Variants in LOXL2 observed in about 807,000 individuals in gnomAD.
LOXL2 encodes lysyl oxidase homolog 2.
LOXL2 carries 70 observed loss-of-function variants against 93.0 expected under a neutral mutation model. That is an observed-to-expected ratio of 0.75 (90% CI 0.62 to 0.92). The LOEUF is 0.92. LOXL2 is among the 40% of genes least tolerant of loss of function. The pLI is 0.00. For synonymous variants in LOXL2, 438 were observed against 413.2 expected (o/e 1.06, Z -0.73); for missense variants, 973 against 1,054.9 (o/e 0.92, Z 1.08).
At chr8:23,383,586 C>T (rs1004872471) in intron 1 of LOXL2, among the ~76,000 whole-genome samples, 1 of 150,020 alleles carries the variant, frequency 6.7e-6, no homozygotes, top group Non-Finnish European at 1.5e-5. Context: ...TGTCATTTTT[C>T]ATATTAAGAC....
intron 3 of LOXL2, among the ~76,000 whole-genome samples, chr8:23,354,266 G>A (rs1311211332): frequency 6.6e-6 from 1 of 152,208 alleles, no homozygotes; most frequent in Non-Finnish European, 1.5e-5. Context: ...GAGGGTGAAT[G>A]TTACAGAACC....
chr8:23,369,267 G>A (rs1804461003), intron 1 of LOXL2, among the ~76,000 whole-genome samples: 1 of 152,168 alleles, frequency 6.6e-6, no homozygotes, highest in African/African-American at 2.4e-5. Flanking sequence ...GTATCTGGTG[G>A]AGCCTACCTC....
At chr8:23,332,923 G>T (rs537747550) in intron 5 of LOXL2, among the ~76,000 whole-genome samples, 1 of 147,448 alleles carries the variant, frequency 6.8e-6, no homozygotes, top group South Asian at 2.2e-4. Context: ...CCACAGAGGG[G>T]GGGTGTTTCA....
intron 1 of LOXL2, 101 bp from the exon 2 acceptor site, chr8:23,368,535 C>T (rs1804449785): frequency 3.6e-5 from 22 of 607,070 alleles, no homozygotes; most frequent in South Asian, 3.3e-4. Flanking sequence ...ATGGAAAGCT[C>T]GTCCATTCTC....
chr8:23,319,821 C>A, intron 8 of LOXL2, 64 bp downstream of exon 8: 1 of 1,548,158 alleles, frequency 6.5e-7, no homozygotes, highest in Non-Finnish European at 8.8e-7. Context: ...GGGGGGCTGA[C>A]TGAAGACAGT....
chr8:23,384,201 A>G (rs1804723032), intron 1 of LOXL2, among the ~76,000 whole-genome samples: 1 of 152,222 alleles, frequency 6.6e-6, no homozygotes, highest in South Asian at 2.1e-4. Context: ...GCTTATGTCT[A>G]GACAGGAATT....
intron 3 of LOXL2, 46 bp from the exon 4 acceptor site, chr8:23,341,249 G>A: frequency 6.7e-7 from 1 of 1,486,824 alleles, no homozygotes; most frequent in Non-Finnish European, 9.4e-7. Context: ...CTACTGGCCT[G>A]GCTGCAGAGA....
intron 12 of LOXL2, among the ~76,000 whole-genome samples, chr8:23,299,430 G>A (rs1803090903): frequency 6.6e-6 from 1 of 152,194 alleles, no homozygotes; most frequent in African/African-American, 2.4e-5. Context: ...AGTGACAGGT[G>A]GGACTTGGGG....
rs765119814 is a variant in LOXL2 at position 23,317,039 on chromosome 8, G to A, written c.1546C>T (p.Leu516=). Residue 516 remains leucine (L), a synonymous_variant, in exon 9 of 14, where the codon CTG becomes TTG. Transcript: ENST00000389131. ...MSGVKCSGTE[L]SLAHCRHDGE... The stretch of plus-strand genomic sequence containing the variant: ...TCGTGGCGGCAGTGCGCCAGGGACA[G>A]CTCCGTTCCCGAGCACTTCACTCCA... The A allele has an allele frequency of 1.2e-6, 2 of 1,614,196 alleles. No individual in the cohort carries two copies. Among genetic ancestry groups the A allele is most frequent in the South Asian group, 2.2e-5 (2 of 91,084 alleles).
chr8:23,302,166 G>C lies in LOXL2; in HGVS notation c.1997-3C>G, dbSNP rs112903898. The C allele has an allele frequency of 5.6e-6, 9 of 1,614,014 alleles. No homozygotes were observed. The highest frequency in any genetic ancestry group is 1.3e-5 in the African/African-American group (1 of 74,906). ...ACACTCGTAATTCTTCTGGATGTCT[G>C]CGGGCAGGGTAGAGGAGAGCTCATC... On this transcript the variant is annotated splice_region_variant and splice_polypyrimidine_tract_variant and intron_variant, in intron 11 of 13. Coordinates refer to ENST00000389131, the MANE Select transcript of LOXL2 (RefSeq NM_002318.3).
intron 6 of LOXL2, among the ~76,000 whole-genome samples, chr8:23,323,443 T>C (rs1803529208): frequency 6.6e-6 from 1 of 152,196 alleles, no homozygotes; most frequent in Non-Finnish European, 1.5e-5. Context: ...TGCCTCCACC[T>C]AAGGAGAAGC....
At chr8:23,326,040 C>A (rs1380976071) in intron 6 of LOXL2, among the ~76,000 whole-genome samples, 1 of 152,206 alleles carries the variant, frequency 6.6e-6, no homozygotes, top group African/African-American at 2.4e-5. Context: ...ACAGTCATTG[C>A]CCTTTCATGC....
At chr8:23,402,003 AAC>A (rs1168835899) in intron 1 of LOXL2, among the ~76,000 whole-genome samples, 10 of 149,794 alleles carry the variant, frequency 6.7e-5, no homozygotes, top group African/African-American at 2.6e-4. Flanking sequence ...TGCATGCACA[AAC>A]ACACATATAC....
chr8:23,401,839 CCTAT>C (rs1202558838), intron 1 of LOXL2, among the ~76,000 whole-genome samples: 2 of 152,312 alleles, frequency 1.3e-5, no homozygotes, highest in African/African-American at 4.8e-5. Flanking sequence ...TGCAGAATCT[CCTAT>C]CTGTGATACT....
chr8:23,330,395 C>T (rs916838681), intron 5 of LOXL2, among the ~76,000 whole-genome samples: 1 of 152,096 alleles, frequency 6.6e-6, no homozygotes, highest in Non-Finnish European at 1.5e-5. Context: ...GAACAAAACA[C>T]GCATAACTAC....
At chr8:23,326,709 G>A (rs1178194381) in intron 6 of LOXL2, among the ~76,000 whole-genome samples, 3 of 152,154 alleles carry the variant, frequency 2.0e-5, no homozygotes, top group Admixed American at 1.3e-4. Context: ...AGCCGAGATC[G>A]CGCCACTGTG....
intron 1 of LOXL2, among the ~76,000 whole-genome samples, chr8:23,371,633 T>A (rs1006469718): frequency 1.3e-5 from 2 of 151,228 alleles, no homozygotes; most frequent in Non-Finnish European, 2.9e-5. Context: ...GCACCTGTAG[T>A]CCCAGCTACT....
chr8:23,395,587 T>C (rs918303446), intron 1 of LOXL2, among the ~76,000 whole-genome samples: 2 of 152,230 alleles, frequency 1.3e-5, no homozygotes, highest in Admixed American at 6.5e-5. Context: ...TATATCTCAA[T>C]AAAGTCTTTT....
intron 1 of LOXL2, among the ~76,000 whole-genome samples, chr8:23,372,130 T>C (rs1804505465): frequency 6.6e-6 from 1 of 152,138 alleles, no homozygotes; most frequent in African/African-American, 2.4e-5. Context: ...AATATATCAG[T>C]AATTACATTA....
Sources: allele counts gnomAD v4.1 joint callset (sites outside exome capture counted in the v4.1 genomes callset), GRCh38; gene constraint gnomAD v4.1.1; transcripts MANE v1.5; gene names NCBI Gene and HGNC (gene_info 2026-07-23, HGNC 2026-07-21).